NFATC1: variants seen among roughly 807,000 people sequenced by gnomAD.
The protein encoded by NFATC1 is nuclear factor of activated T-cells, cytoplasmic 1.
Under a neutral mutation model 76.0 loss-of-function variants are expected in NFATC1, and 22 were observed. The observed-to-expected ratio is 0.29, with a 90% confidence interval of 0.21 to 0.41. The LOEUF (loss-of-function observed/expected upper bound fraction) is 0.41, where lower values mean the gene tolerates loss of function less well. Ranked by LOEUF, NFATC1 falls within the 10% of genes least tolerant of loss-of-function variation. The probability of loss-of-function intolerance (pLI) is 1.00; values close to 1 mark genes in which losing one functional copy is unlikely to be tolerated. For missense variants in NFATC1, 1,357 were observed against 1,337.7 expected (o/e 1.01, Z -0.23); for synonymous variants, 704 against 613.1 (o/e 1.15, Z -2.19).
chr18:79,419,799 C>T (rs1164769148), intron 2 of NFATC1, among the ~76,000 whole-genome samples: 6 of 152,340 alleles, frequency 3.9e-5, no homozygotes, highest in Admixed American at 6.5e-5. Flanking sequence ...GTAGGTGCTT[C>T]GGCAGCCGGG....
At chr18:79,459,049 AG>A (rs1221839796) in intron 6 of NFATC1, among the ~76,000 whole-genome samples, 1 of 152,228 alleles carries the variant, frequency 6.6e-6, no homozygotes, top group Non-Finnish European at 1.5e-5. Context: ...CACCTCCAAG[AG>A]GGAAGGCCAC....
chr18:79,483,426 GGCGTGACCTGGTCCTGGGGTGTAAGTCCA>G (rs1600880664), intron 8 of NFATC1, among the ~76,000 whole-genome samples: 20 of 117,354 alleles, frequency 1.7e-4, no homozygotes, highest in Non-Finnish European at 2.9e-4. Flanking sequence ...GTGTCATTCC[GGCGTGACCTGGTCCTGGGGTGTAAGTCCA>G]GCGTGACCTG....
At chr18:79,396,497 G>T (rs951670378) in intron 1 of NFATC1, 146 bp downstream of exon 1, 7 of 394,098 alleles carry the variant, frequency 1.8e-5, no homozygotes, top group Admixed American at 5.5e-5. Context: ...GGAGGGGCGC[G>T]GCGCGGACCG....
At chr18:79,401,946 G>A (rs1483071492) in intron 1 of NFATC1, among the ~76,000 whole-genome samples, 2 of 152,194 alleles carry the variant, frequency 1.3e-5, no homozygotes, top group African/African-American at 2.4e-5. Flanking sequence ...CCTGGCTGAA[G>A]ATTTCACTGC....
intron 6 of NFATC1, among the ~76,000 whole-genome samples, chr18:79,461,008 C>T (rs531130683): frequency 8.5e-5 from 13 of 152,342 alleles, no homozygotes; most frequent in Admixed American, 5.9e-4. Flanking sequence ...GGACGGATTC[C>T]TGAGGATGCC....
At position 79,524,328 on chromosome 18, in the gene NFATC1, A is replaced by G. The variant is rs1225184349; in HGVS notation, c.2783-3200A>G. On this transcript the variant is annotated intron_variant, in intron 9 of 9. Transcript: ENST00000427363. This position sits in a 1 kb window ranked among gnomAD's most constrained non-coding sequence, Gnocchi z 7.2. ...GTGTCTGCGGGGCGAGCACGGCTCCACGTACGGCTCTCGTCCGCGGTGTGG... is the reference window on the plus strand; with the variant it reads ...GTGTCTGCGGGGCGAGCACGGCTCCGCGTACGGCTCTCGTCCGCGGTGTGG... Among the ~76,000 whole-genome samples, 4 of 152,224 alleles carry G rather than the reference A, an allele frequency of 2.6e-5. No homozygotes were observed. The highest frequency in any genetic ancestry group is 9.6e-5 in the African/African-American group (4 of 41,464).
chr18:79,468,844 G>A (rs902116745), intron 8 of NFATC1: 4 of 152,680 alleles, frequency 2.6e-5, no homozygotes, highest in African/African-American at 7.2e-5. Context: ...GCGGGGAAGA[G>A]CCTCACGCTC....
intron 1 of NFATC1, among the ~76,000 whole-genome samples, chr18:79,403,365 A>G (rs1271352693): frequency 6.6e-6 from 1 of 152,252 alleles, no homozygotes; most frequent in Non-Finnish European, 1.5e-5. Flanking sequence ...CCCAGGCGGG[A>G]TGGGAGTGGC....
chr18:79,521,344 G>A (rs1601003713), intron 9 of NFATC1, among the ~76,000 whole-genome samples: 2 of 99,088 alleles, frequency 2.0e-5, no homozygotes, highest in African/African-American at 4.1e-5. Context: ...TGTGTGTAGG[G>A]GGGGAGCATC....
At chr18:79,527,362 C>A in intron 9 of NFATC1, 166 bp from the exon 10 acceptor site, 1 of 605,146 alleles carries the variant, frequency 1.7e-6, no homozygotes, top group Non-Finnish European at 2.9e-6. Flanking sequence ...CAGGCACTGG[C>A]TCACGACACT....
intron 2 of NFATC1, among the ~76,000 whole-genome samples, chr18:79,423,404 A>T (rs1600665074): frequency 6.6e-6 from 1 of 152,062 alleles, no homozygotes; most frequent in African/African-American, 2.4e-5. Flanking sequence ...CCGGCTGTCC[A>T]CCTTCTTCCC....
At chr18:79,464,994 C>T (rs867058979) in intron 7 of NFATC1, among the ~76,000 whole-genome samples, 3 of 151,988 alleles carry the variant, frequency 2.0e-5, no homozygotes, top group Admixed American at 6.5e-5. Context: ...TGTGAGCCAC[C>T]GTGCCCGCCT....
rs150655822 is a variant in NFATC1, at chr18:79,411,156, G to T, written c.881G>T (p.Ser294Ile). 6.2e-7 allele frequency: 1 copy of T among 1,612,358 alleles called. No homozygotes were observed. Among genetic ancestry groups the T allele is most frequent in the Admixed American group, 1.7e-5 (1 of 60,010 alleles). Residue 294 changes from serine to isoleucine, a missense_variant, in exon 2 of 10, where the codon AGC becomes ATC. Physicochemically the swap from Ser to Ile is moderately radical, Grantham distance 142. Coordinates refer to ENST00000427363, the MANE Select transcript of NFATC1 (RefSeq NM_001278669.2). ...TCCCCGCACGGCTCCCCGCGGGTCAGCGTGACCGACGACTCGTGGTTGGGC... is the reference window on the plus strand; with the variant it reads ...TCCCCGCACGGCTCCCCGCGGGTCATCGTGACCGACGACTCGTGGTTGGGC... ...TPSPHGSPRV[S>I]VTDDSWLGNT...
At chr18:79,483,149 GTGTAATT>G (rs2089357383) in intron 8 of NFATC1, among the ~76,000 whole-genome samples, 1 of 98,966 alleles carries the variant, frequency 1.0e-5, no homozygotes, top group African/African-American at 4.1e-5. Context: ...GGTTCCTGGG[GTGTAATT>G]CCAGCGTGAC....
intron 1 of NFATC1, chr18:79,400,383 C>CCGGCCA (rs1166532225): frequency 6.8e-7 from 1 of 1,480,262 alleles, no homozygotes; most frequent in African/African-American, 1.5e-5. Context: ...GGCCCCGGCC[C>CCGGCCA]GACCCGCCAT....
intron 2 of NFATC1, among the ~76,000 whole-genome samples, chr18:79,419,907 C>T (rs1266801579): frequency 2.6e-5 from 4 of 152,208 alleles, no homozygotes; most frequent in Non-Finnish European, 4.4e-5. Context: ...TGCAAATTAA[C>T]GTTTTTTGGA....
Position 79,434,034 on chromosome 18 carries a change from C to G in NFATC1, c.1386+296C>G, listed in dbSNP as rs1178026915. Among the ~76,000 whole-genome samples the G allele has an allele frequency of 2.0e-5, 3 of 152,230 alleles. 1 individual carries two copies. Among genetic ancestry groups the G allele is most frequent in the Non-Finnish European group, 4.4e-5 (3 of 68,032 alleles). On this transcript the variant is annotated intron_variant, in intron 3 of 9. Coordinates refer to ENST00000427363, the MANE Select transcript of NFATC1 (RefSeq NM_001278669.2). ...GTTTTGGGGGTTGATTCTCCCCTCT[C>G]TAAAGCCTCTGAACTTGGAGGCAGG...
chr18:79,414,193 C>G (rs1005952581), intron 2 of NFATC1, among the ~76,000 whole-genome samples: 3 of 152,162 alleles, frequency 2.0e-5, no homozygotes, highest in Non-Finnish European at 4.4e-5. Flanking sequence ...CCAGGAATGC[C>G]TCTCCGTCGG....
chr18:79,459,065 G>A (rs1429971679), intron 6 of NFATC1, among the ~76,000 whole-genome samples: 2 of 152,264 alleles, frequency 1.3e-5, no homozygotes, highest in African/African-American at 2.4e-5. Context: ...GGCCACAGGC[G>A]CTGGCTCAGC....
Sources: gnomAD v4.1 joint callset for allele counts (sites outside exome capture counted in the v4.1 genomes callset) on GRCh38, gnomAD v4.1.1 for gene constraint, Gnocchi (gnomAD v3.1) non-coding constraint, MANE v1.5 for transcripts, NCBI Gene and HGNC (gene_info 2026-07-23, HGNC 2026-07-21) for gene names.